STT3A: variants seen among roughly 807,000 people sequenced by gnomAD.
STT3A encodes dolichyl-diphosphooligosaccharide--protein glycosyltransferase subunit STT3A.
Under a neutral mutation model 89.2 loss-of-function variants are expected in STT3A, and 34 were observed. The ratio of observed to expected loss-of-function variants is 0.38; its 90% confidence interval spans 0.29 to 0.51. The LOEUF (loss-of-function observed/expected upper bound fraction) is 0.51. STT3A is among the 20% of genes least tolerant of loss of function. The pLI is 0.89. For missense variants in STT3A, 555 were observed against 889.5 expected, an observed-to-expected ratio of 0.62 and a Z score of 4.78; for synonymous variants, 282 against 310.3, an observed-to-expected ratio of 0.91 and a Z score of 0.96.
intron 2 of STT3A, 53 bp from the exon 3 acceptor site, chr11:125,597,006 C>T (rs1418316166): frequency 3.2e-6 from 5 of 1,567,788 alleles, no homozygotes; most frequent in Non-Finnish European, 4.4e-6. Flanking sequence ...ACTATATCTG[C>T]TGTTCTTTCA....
chr11:125,606,507 C>G (rs746591719), intron 8 of STT3A, 42 bp downstream of exon 8: 12 of 1,575,768 alleles, frequency 7.6e-6, no homozygotes, highest in Non-Finnish European at 9.5e-6. Flanking sequence ...TCTACTTTTT[C>G]TATGCAGCCC....
intron 11 of STT3A, among the ~76,000 whole-genome samples, chr11:125,611,925 T>TG (rs1319057650): frequency 7.9e-6 from 1 of 127,064 alleles, no homozygotes; most frequent in Non-Finnish European, 1.6e-5. Flanking sequence ...TTGCCCAGGC[T>TG]GGAGAGCAGT....
At chr11:125,599,888 G>A (rs1359126912) in intron 3 of STT3A, among the ~76,000 whole-genome samples, 2 of 138,186 alleles carry the variant, frequency 1.4e-5, no homozygotes, top group East Asian at 2.2e-4. Flanking sequence ...GCGCCACCAC[G>A]CCTGGCTAAT....
chr11:125,606,045 G>A (rs1274549654), intron 7 of STT3A, among the ~76,000 whole-genome samples: 7 of 152,032 alleles, frequency 4.6e-5, no homozygotes, highest in African/African-American at 1.4e-4. Flanking sequence ...TTGAGTTACA[G>A]TGATGGGTTT....
chr11:125,596,674 G>A (rs984114171), intron 2 of STT3A, among the ~76,000 whole-genome samples: 3 of 152,166 alleles, frequency 2.0e-5, no homozygotes, highest in African/African-American at 7.2e-5. Flanking sequence ...CTCTTCATGA[G>A]TCCTAGGTGT....
chr11:125,619,880 G>T, intron 16 of STT3A, 131 bp from the exon 17 acceptor site: 1 of 726,634 alleles, frequency 1.4e-6, no homozygotes, highest in South Asian at 2.0e-5. Flanking sequence ...CTTTTTTGCA[G>T]GCTCTACTCT....
At chr11:125,619,438 A>T (rs967499663) in intron 16 of STT3A, among the ~76,000 whole-genome samples, 3 of 152,214 alleles carry the variant, frequency 2.0e-5, no homozygotes, top group African/African-American at 7.2e-5. Flanking sequence ...TGGCAGAGTC[A>T]GGATTCAAAC....
rs1940098174 is a variant in STT3A, at chr11:125,614,035, T to A, written c.1555-52T>A. ...AAGATGCCTTCTCTGTTGCATTTGA[T>A]TTTTAGAGACAGTGAGAAGCTTGTT... On this transcript the variant is annotated intron_variant, in intron 13 of 17. Transcript: ENST00000392708. The surrounding 1 kb of genome is among the most constrained non-coding windows in gnomAD (Gnocchi z 4.9). The A allele has an allele frequency of 1.3e-6, 2 of 1,544,366 alleles. No individual in the cohort carries two copies. The highest frequency in any genetic ancestry group is 2.8e-5 in the African/African-American group (2 of 72,590).
chr11:125,612,522 C>T, intron 11 of STT3A, 70 bp from the exon 12 acceptor site: 1 of 1,515,042 alleles, frequency 6.6e-7, no homozygotes, highest in South Asian at 1.3e-5. Context: ...ATGTCTTGAT[C>T]TACTAATAGG....
intron 10 of STT3A, among the ~76,000 whole-genome samples, chr11:125,610,504 A>C (rs1247247665): frequency 6.6e-6 from 1 of 152,116 alleles, no homozygotes; most frequent in African/African-American, 2.4e-5. Context: ...AGATCACTTA[A>C]GGTCAGGAAT....
intron 11 of STT3A, 47 bp downstream of exon 11, chr11:125,611,566 GTGC>G: frequency 1.3e-6 from 2 of 1,556,090 alleles, no homozygotes; most frequent in Non-Finnish European, 1.8e-6. Flanking sequence ...TAACTCTGAG[GTGC>G]TTTTTTATCT....
intron 8 of STT3A, 141 bp from the exon 9 acceptor site, chr11:125,607,968 C>G: frequency 1.3e-6 from 1 of 769,348 alleles, no homozygotes; most frequent in Non-Finnish European, 2.0e-6. Context: ...TTAAACCCTT[C>G]CCTAGATTGG....
rs771813139 is a variant in STT3A at position 125,602,451 on chromosome 11, T to A, written c.271+27T>A. The A allele has an allele frequency of 3.2e-6, 5 of 1,540,600 alleles. No homozygotes were observed. In the African/African-American group the frequency reaches 4.2e-5, roughly 13 times the overall value. On this transcript the variant is annotated intron_variant, in intron 4 of 17. Transcript: ENST00000392708. ...TGAGGAGACCAGATGTGTTTTTTTT[T>A]TTAAAAAAAAAACAGAAATATTTGT...
Position 125,602,930 on chromosome 11 carries a change from C to G in STT3A, c.399C>G (p.His133Gln), listed in dbSNP as rs1369374335. The G allele has an allele frequency of 1.2e-6, 2 of 1,613,958 alleles. No homozygotes were observed. Among genetic ancestry groups the G allele is most frequent in the African/African-American group, 1.3e-5 (1 of 74,886 alleles). Residue 133 changes from histidine to glutamine, a missense_variant, in exon 5 of 18, where the codon CAC becomes CAG. His to Gln is a conservative substitution (Grantham distance 24, BLOSUM62 0). Transcript: ENST00000392708. ...CCTTCACCACCATCGTCACGTACCACCTTACCAAAGAGCTCAAGGTGAAGG... is the reference window on the plus strand; with the variant it reads ...CCTTCACCACCATCGTCACGTACCAGCTTACCAAAGAGCTCAAGGTGAAGG... ...FSSFTTIVTY[H>Q]LTKELKDAGA...
rs1235567530 is a variant in STT3A at position 125,614,886 on chromosome 11, C to G, written c.1774+460C>G. ...GTGTAAAATGGAGGTTACCATGTGC[C>G]CTATGATTATTGGCACAAAGATTTT... On this transcript the variant is annotated intron_variant, in intron 15 of 17. Coordinates refer to ENST00000392708, the MANE Select transcript of STT3A (RefSeq NM_152713.5). The surrounding 1 kb of genome is among the most constrained non-coding windows in gnomAD (Gnocchi z 4.9). Among the ~76,000 whole-genome samples the G allele has an allele frequency of 2.0e-5, 3 of 151,530 alleles. No individual in the cohort carries two copies. The East Asian group carries it at 5.8e-4, about 29-fold the overall frequency.
In STT3A at chr11:125,618,487, G is replaced by A; in HGVS notation, c.1889G>A (p.Gly630Asp). Residue 630 changes from glycine (G) to aspartate (D), a missense_variant, in exon 16 of 18, where the codon GGT (glycine) becomes GAT (aspartate). Physicochemically the swap from Gly to Asp is moderately conservative, Grantham distance 94. This residue lies in a region of STT3A where 273 missense variants were observed against 449.8 expected (regional missense o/e 0.61). Coordinates refer to ENST00000392708, the MANE Select transcript of STT3A (RefSeq NM_152713.5). ...PTGEFRVDRE[G>D]SPVLLNCLMY... ...GGGGAGTTCCGTGTGGACCGTGAAG[G>A]TTCTCCAGTGCTGCTCAACTGCCTC... 1 of 1,614,062 alleles carries A rather than the reference G, an allele frequency of 6.2e-7. No homozygotes were observed. Among genetic ancestry groups the A allele is most frequent in the Non-Finnish European group, 8.5e-7 (1 of 1,180,014 alleles).
At chr11:125,601,390 G>T (rs1939671887) in intron 3 of STT3A, among the ~76,000 whole-genome samples, 1 of 152,188 alleles carries the variant, frequency 6.6e-6, no homozygotes, top group African/African-American at 2.4e-5. Flanking sequence ...TGAGGCTGGG[G>T]CAGGTGGATC....
In STT3A at chr11:125,616,557, G is replaced by A. The variant is rs545544137; in HGVS notation, c.1775-1816G>A. On this transcript the variant is annotated intron_variant, in intron 15 of 17. Transcript: ENST00000392708. ...TATTCATTGGGCTTTACTAATAGGAGTTCTGTAACATTTGAGAGGCATAAT... is the reference window on the plus strand; with the variant it reads ...TATTCATTGGGCTTTACTAATAGGAATTCTGTAACATTTGAGAGGCATAAT... Among the ~76,000 whole-genome samples, 3 of 152,298 alleles carry A rather than the reference G, an allele frequency of 2.0e-5. No homozygotes were observed. In the East Asian group the frequency reaches 5.8e-4, roughly 29 times the overall value.
intron 3 of STT3A, among the ~76,000 whole-genome samples, chr11:125,601,578 G>A (rs140516733): frequency 0.015 from 2,340 of 152,016 alleles, 29 homozygotes; most frequent in Non-Finnish European, 0.022. Context: ...AGCCGAGATC[G>A]TGCCATTGTG....
Sources: allele counts gnomAD v4.1 joint callset (sites outside exome capture counted in the v4.1 genomes callset), GRCh38; gene constraint gnomAD v4.1.1; regional missense constraint gnomAD v4.1.1; non-coding constraint Gnocchi (gnomAD v3.1); transcripts MANE v1.5; gene names NCBI Gene and HGNC (gene_info 2026-07-23, HGNC 2026-07-21).